Variants in PLEKHD1 observed in about 807,000 individuals in gnomAD.
PLEKHD1 encodes pleckstrin homology domain-containing family D member 1.
PLEKHD1 carries 51 observed loss-of-function variants against 69.2 expected under a neutral mutation model. That is an observed-to-expected ratio of 0.74 (90% CI 0.59 to 0.93). PLEKHD1 has a LOEUF of 0.93. Among genes scored for constraint, PLEKHD1 ranks in the 40% least tolerant of loss-of-function variants. The pLI, the probability that PLEKHD1 is intolerant of heterozygous loss-of-function variation, is 0.00. For missense variants in PLEKHD1, 584 were observed against 641.0 expected (o/e 0.91, Z 0.96); for synonymous variants, 236 against 244.7 (o/e 0.96, Z 0.33).
At chr14:69,517,472 T>G (rs1594989101) in intron 6 of PLEKHD1, among the ~76,000 whole-genome samples, 3 of 147,842 alleles carry the variant, frequency 2.0e-5, no homozygotes, top group South Asian at 2.2e-4. Context: ...CAGGGAGGGG[T>G]GGGGGAGTAG....
chr14:69,480,322 A>G (rs1235304469), upstream of PLEKHD1, among the ~76,000 whole-genome samples: 1 of 152,214 alleles, frequency 6.6e-6, no homozygotes, highest in African/African-American at 2.4e-5. Flanking sequence ...TTGGCCCCTC[A>G]GGGATACTTG....
At chr14:69,516,528 T>C (rs2139522241) in intron 6 of PLEKHD1, among the ~76,000 whole-genome samples, 1 of 152,334 alleles carries the variant, frequency 6.6e-6, no homozygotes, top group East Asian at 1.9e-4. Flanking sequence ...TTTGAAAACA[T>C]CAATTTTAAT....
the PLEKHD1 span, among the ~76,000 whole-genome samples, chr14:69,469,640 G>A: frequency 6.6e-6 from 1 of 151,946 alleles, no homozygotes; most frequent in African/African-American, 2.4e-5. Context: ...AGAATTATTG[G>A]CCTCAAGCAA....
intron 11 of PLEKHD1, 50 bp downstream of exon 11, chr14:69,527,382 G>C: frequency 6.5e-7 from 1 of 1,549,416 alleles, no homozygotes; most frequent in Middle Eastern, 1.9e-4. Flanking sequence ...CTCAGCCCCA[G>C]ATGGGATCCC....
the PLEKHD1 span, among the ~76,000 whole-genome samples, chr14:69,479,308 C>T: frequency 1.3e-5 from 2 of 152,086 alleles, no homozygotes; most frequent in Admixed American, 6.5e-5. Flanking sequence ...ACAGCCAAAC[C>T]GTATCAGTGT....
chr14:69,493,910 C>A (rs1377801536), intron 1 of PLEKHD1, among the ~76,000 whole-genome samples: 2 of 152,106 alleles, frequency 1.3e-5, no homozygotes, highest in African/African-American at 4.8e-5. Context: ...GATGTTGGGT[C>A]TGGAAGGAGG....
At chr14:69,503,219 TAGAGGG>T in intron 6 of PLEKHD1, 1 of 329,170 alleles carries the variant, frequency 3.0e-6, no homozygotes, top group Non-Finnish European at 5.9e-6. Context: ...CTGTTATCCA[TAGAGGG>T]CTATCTGGCA....
intron 6 of PLEKHD1, among the ~76,000 whole-genome samples, chr14:69,521,295 T>C (rs944827914): frequency 6.6e-6 from 1 of 152,110 alleles, no homozygotes; most frequent in African/African-American, 2.4e-5. Flanking sequence ...GGGTAAGTAG[T>C]TTAGAAATGG....
chr14:69,477,679 C>T, the PLEKHD1 span, among the ~76,000 whole-genome samples: 13 of 152,206 alleles, frequency 8.5e-5, 1 homozygote, highest in African/African-American at 3.1e-4. Flanking sequence ...AATCTGAAAT[C>T]CAGCAGGGCA....
intron 6 of PLEKHD1, among the ~76,000 whole-genome samples, chr14:69,508,405 C>CAA (rs377539792): frequency 7.7e-6 from 1 of 130,204 alleles, no homozygotes; most frequent in Non-Finnish European, 1.7e-5. Flanking sequence ...GACTCCATCT[C>CAA]AAAAAAAAAA....
chr14:69,525,005 A>C (rs1883610106), intron 8 of PLEKHD1, among the ~76,000 whole-genome samples: 1 of 151,480 alleles, frequency 6.6e-6, no homozygotes, highest in African/African-American at 2.4e-5. Context: ...TATCATTTCC[A>C]CCTTTTCTCT....
At chr14:69,527,408 G>T in intron 11 of PLEKHD1, 76 bp downstream of exon 11, 1 of 1,535,680 alleles carries the variant, frequency 6.5e-7, no homozygotes, top group Non-Finnish European at 8.8e-7. Context: ...TGTAGAGCCA[G>T]GAAACCCACA....
intron 12 of PLEKHD1, 128 bp downstream of exon 12, chr14:69,528,060 C>A: frequency 6.8e-7 from 1 of 1,473,150 alleles, no homozygotes; most frequent in African/African-American, 1.4e-5. Flanking sequence ...CCCCACCATC[C>A]TTGGGCAAAC....
intron 6 of PLEKHD1, among the ~76,000 whole-genome samples, chr14:69,513,473 C>T (rs142299399): frequency 0.014 from 2,070 of 152,248 alleles, 22 homozygotes; most frequent in Non-Finnish European, 0.02. Flanking sequence ...TATTTGAACG[C>T]AGTTTGGACA....
chr14:69,491,575 C>G lies in PLEKHD1; in HGVS notation c.149+6461C>G, dbSNP rs532912044. On this transcript the variant is annotated intron_variant, in intron 1 of 12. Coordinates refer to ENST00000322564, the MANE Select transcript of PLEKHD1 (RefSeq NM_001161498.2). ...ACTCAGTGGCATTCGCATCTCCAAACATTAGGGAGCTCACCTGAGTGGACA... is the reference window on the plus strand; with the variant it reads ...ACTCAGTGGCATTCGCATCTCCAAAGATTAGGGAGCTCACCTGAGTGGACA... Among the ~76,000 whole-genome samples the G allele has an allele frequency of 6.0e-4, 91 of 152,358 alleles. No homozygotes were observed. The South Asian group carries it at 0.019, about 32-fold the overall frequency.
chr14:69,526,465 C>A (rs1363573644), intron 9 of PLEKHD1, among the ~76,000 whole-genome samples: 4 of 152,126 alleles, frequency 2.6e-5, no homozygotes, highest in Admixed American at 2.6e-4. Context: ...GGTCACAGAA[C>A]AAGCAACCTC....
chr14:69,500,376 C>T (rs1882996053), intron 2 of PLEKHD1, 168 bp downstream of exon 2: 6 of 705,896 alleles, frequency 8.5e-6, no homozygotes, highest in South Asian at 5.7e-5. Context: ...GGGCTGGACC[C>T]TCACTCTCCT....
chr14:69,500,274 TGTGAG>T lies in PLEKHD1; in HGVS notation c.243+68_243+72del, dbSNP rs761811996. ...AGTGCGGGCATCAGAGCTTGCATCT[TGTGAG>T]GGGAGGGGACTGCGCTCTTGCTCTG... is the stretch of plus-strand genomic sequence containing the variant. On this transcript the variant is annotated intron_variant, in intron 2 of 12. Coordinates refer to ENST00000322564, the MANE Select transcript of PLEKHD1 (RefSeq NM_001161498.2). 263 of 1,312,462 alleles carry T rather than the reference TGTGAG, an allele frequency of 2.0e-4. 1 individual carries two copies. The highest frequency in any genetic ancestry group is 5.6e-4 in the Middle Eastern group (3 of 5,358). 81.3% of individuals were successfully genotyped at this position (1,312,462 alleles called of 1,614,324 possible).
At chr14:69,501,210 C>A (rs1883018134) in intron 4 of PLEKHD1, 2 of 544,296 alleles carry the variant, frequency 3.7e-6, no homozygotes, top group Admixed American at 6.2e-5. Context: ...TATTTGATGC[C>A]TCCTGACACC....
Sources: gnomAD v4.1 joint callset for allele counts (sites outside exome capture counted in the v4.1 genomes callset) on GRCh38, gnomAD v4.1.1 for gene constraint, MANE v1.5 for transcripts, NCBI Gene and HGNC (gene_info 2026-07-23, HGNC 2026-07-21) for gene names.